The following MGAT4C variants were observed in gnomAD, a reference collection of about 807,000 sequenced individuals.
MGAT4C encodes alpha-1,3-mannosyl-glycoprotein 4-beta-N-acetylglucosaminyltransferase C.
A neutral mutation model predicts 40.1 loss-of-function variants in MGAT4C; 19 were observed. The ratio of observed to expected loss-of-function variants is 0.47; its 90% confidence interval spans 0.33 to 0.70. MGAT4C has a LOEUF of 0.70. Ranked by LOEUF, MGAT4C falls within the 30% of genes least tolerant of loss-of-function variation. The pLI is 0.02. For synonymous variants in MGAT4C, 181 were observed against 187.1 expected, an observed-to-expected ratio of 0.97 and a Z score of 0.27; for missense variants, 491 against 563.2, an observed-to-expected ratio of 0.87 and a Z score of 1.30.
intron 3 of MGAT4C, among the ~76,000 whole-genome samples, chr12:86,430,110 C>G (rs181721277): frequency 2.0e-5 from 3 of 151,994 alleles, no homozygotes; most frequent in Non-Finnish European, 4.4e-5. Flanking sequence ...CTGGTTCTTT[C>G]CTATTGTTTC....
chr12:86,819,189 T>C (rs1952659193), intron 1 of MGAT4C, among the ~76,000 whole-genome samples: 1 of 150,994 alleles, frequency 6.6e-6, no homozygotes, highest in African/African-American at 2.4e-5. Flanking sequence ...AATTATTATA[T>C]CTCAGTTTCT....
Position 86,034,575 on chromosome 12 carries a change from T to G in MGAT4C, c.-7+15099A>C, listed in dbSNP as rs945201586. Among the ~76,000 whole-genome samples the G allele has an allele frequency of 3.7e-4, 55 of 148,780 alleles. 7 individuals carry two copies. The highest frequency in any genetic ancestry group is 6.8e-4 in the Non-Finnish European group (45 of 66,396). On this transcript the variant is annotated intron_variant, in intron 2 of 4. Transcript: ENST00000611864. ...TCTCTGAGGGTTTTTTGTTGTTGTT[T>G]TTTTTAAATTTTTTTTTATTATACT...
chr12:86,458,131 T>C (rs1277314178), intron 2 of MGAT4C, among the ~76,000 whole-genome samples: 2 of 152,134 alleles, frequency 1.3e-5, no homozygotes, highest in African/African-American at 4.8e-5. Context: ...GGTGACAATA[T>C]GTCATTAGCA....
intron 2 of MGAT4C, among the ~76,000 whole-genome samples, chr12:86,650,685 A>G (rs1439297993): frequency 6.6e-6 from 1 of 151,918 alleles, no homozygotes; most frequent in South Asian, 2.1e-4. Context: ...GAACTGGAGA[A>G]GAAAAATCCT....
At chr12:86,231,342 T>C (rs924154704) in intron 1 of MGAT4C, among the ~76,000 whole-genome samples, 2 of 152,204 alleles carry the variant, frequency 1.3e-5, no homozygotes, top group Non-Finnish European at 2.9e-5. Flanking sequence ...ATTCTCAATA[T>C]ACTTGGGGTA....
intron 1 of MGAT4C, among the ~76,000 whole-genome samples, chr12:86,775,688 T>C (rs987198295): frequency 6.6e-6 from 1 of 151,694 alleles, no homozygotes; most frequent in Non-Finnish European, 1.5e-5. Context: ...CTGCTATTTA[T>C]TTACCACATG....
At chr12:86,098,485 C>G (rs745805441) in intron 1 of MGAT4C, among the ~76,000 whole-genome samples, 90 of 151,644 alleles carry the variant, frequency 5.9e-4, no homozygotes, top group Non-Finnish European at 8.3e-4. Context: ...ATATTGGCTT[C>G]TTTTTGTGCA....
At chr12:86,099,299 G>A (rs899778360) in intron 1 of MGAT4C, among the ~76,000 whole-genome samples, 5 of 151,192 alleles carry the variant, frequency 3.3e-5, no homozygotes, top group African/African-American at 1.2e-4. Flanking sequence ...CTTTTCTTCT[G>A]AGAATTGTTC....
At position 86,028,125 on chromosome 12, in the gene MGAT4C, T is replaced by C. The variant is rs1466025788; in HGVS notation, c.-7+21549A>G. On this transcript the variant is annotated intron_variant, in intron 2 of 4. Coordinates refer to ENST00000611864, the MANE Select transcript of MGAT4C (RefSeq NM_001351288.2). ...ATACCTTGCATCTTCTGGATCCCTTTGCCACACTCCTCTGCACAGTCTTTC... is the reference window on the plus strand; with the variant it reads ...ATACCTTGCATCTTCTGGATCCCTTCGCCACACTCCTCTGCACAGTCTTTC... 4.7e-6 allele frequency: 6 copies of C among 1,288,278 alleles called. 1 individual carries two copies. The South Asian group carries it at 7.4e-5, about 16-fold the overall frequency. 79.8% of individuals were successfully genotyped at this position (1,288,278 alleles called of 1,614,324 possible). A position where few individuals can be genotyped will look rare whatever the true frequency, so the allele number is the denominator to read the frequency against.
intron 1 of MGAT4C, among the ~76,000 whole-genome samples, chr12:86,147,953 C>T (rs1883767908): frequency 6.6e-6 from 1 of 152,072 alleles, no homozygotes; most frequent in Admixed American, 6.5e-5. Context: ...AATTTAAAGC[C>T]TCTTGATTTC....
chr12:86,546,387 A>G (rs1488051966), intron 2 of MGAT4C, among the ~76,000 whole-genome samples: 2 of 151,836 alleles, frequency 1.3e-5, no homozygotes, highest in Admixed American at 6.6e-5. Context: ...GATATGGAAG[A>G]AAAAGAAGCT....
At chr12:86,145,245 T>C (rs1883357895) in intron 1 of MGAT4C, among the ~76,000 whole-genome samples, 1 of 152,174 alleles carries the variant, frequency 6.6e-6, no homozygotes, top group Non-Finnish European at 1.5e-5. Context: ...AGATCCAACA[T>C]TAACACAGAC....
chr12:86,632,254 C>G (rs1190186783), intron 2 of MGAT4C, among the ~76,000 whole-genome samples: 3 of 152,062 alleles, frequency 2.0e-5, no homozygotes, highest in Non-Finnish European at 2.9e-5. Context: ...AGTCAGGAAA[C>G]AACAGGTGCT....
chr12:86,157,680 A>G (rs1436850330), intron 1 of MGAT4C, among the ~76,000 whole-genome samples: 1 of 152,188 alleles, frequency 6.6e-6, no homozygotes, highest in Non-Finnish European at 1.5e-5. Context: ...GAAACTTACA[A>G]TCATGGAGGA....
chr12:86,212,988 C>T (rs1950542607), intron 1 of MGAT4C, among the ~76,000 whole-genome samples: 2 of 137,736 alleles, frequency 1.5e-5, no homozygotes, highest in African/African-American at 2.7e-5. Flanking sequence ...CTTCCATGAA[C>T]AGTGTCTTTA....
At chr12:86,383,549 CAAAAAAAAAAAAAAA>C (rs1159593477) in intron 3 of MGAT4C, among the ~76,000 whole-genome samples, 2 of 49,854 alleles carry the variant, frequency 4.0e-5, no homozygotes, top group East Asian at 8.9e-4. Flanking sequence ...CACTTCGTCT[CAAAAAAAAAAAAAAA>C]AAAAAAAAAA....
intron 4 of MGAT4C, among the ~76,000 whole-genome samples, chr12:86,293,463 A>C (rs1953577657): frequency 6.6e-6 from 1 of 152,224 alleles, no homozygotes. Flanking sequence ...AAATTCAACA[A>C]TAGGAACTCA....
intron 2 of MGAT4C, among the ~76,000 whole-genome samples, chr12:86,608,738 TCTC>T (rs1447827212): frequency 6.6e-6 from 1 of 151,958 alleles, no homozygotes; most frequent in Non-Finnish European, 1.5e-5. Context: ...TTGATCTACA[TCTC>T]CTACTATAAA....
At chr12:86,398,960 C>T (rs1351136909) in intron 3 of MGAT4C, among the ~76,000 whole-genome samples, 2 of 151,846 alleles carry the variant, frequency 1.3e-5, no homozygotes, top group African/African-American at 4.8e-5. Context: ...TGTCCAATTA[C>T]ATTTGTTTTT....
Sources: gnomAD v4.1 joint callset for allele counts (sites outside exome capture counted in the v4.1 genomes callset) on GRCh38, gnomAD v4.1.1 for gene constraint, MANE v1.5 for transcripts, NCBI Gene and HGNC (gene_info 2026-07-23, HGNC 2026-07-21) for gene names.